Variants in NFIA observed in about 807,000 individuals in gnomAD.
NFIA encodes the protein nuclear factor 1 A-type.
A neutral mutation model predicts 62.8 loss-of-function variants in NFIA; 8 were observed. That is an observed-to-expected ratio of 0.13 (90% CI 0.07 to 0.23). NFIA has a LOEUF of 0.23. Among genes scored for constraint, NFIA ranks in the 10% least tolerant of loss-of-function variants. The pLI is 1.00. For synonymous variants in NFIA, 235 were observed against 238.1 expected, an observed-to-expected ratio of 0.99 and a Z score of 0.12; for missense variants, 410 against 642.1, an observed-to-expected ratio of 0.64 and a Z score of 3.91.
At chr1:61,106,100 C>CATCTATCTATCTATCT (rs58274631) in intron 2 of NFIA, among the ~76,000 whole-genome samples, 4,545 of 149,124 alleles carry the variant, frequency 0.03, 149 homozygotes, top group East Asian at 0.12. Context: ...CTCTCTCATG[C>CATCTATCTATCTATCT]ATCTATCTAT....
intron 10 of NFIA, among the ~76,000 whole-genome samples, chr1:61,436,895 A>C (rs945172418): frequency 6.6e-6 from 1 of 152,188 alleles, no homozygotes; most frequent in South Asian, 2.1e-4. Flanking sequence ...AACGCTTTAC[A>C]CATTTAACTA....
intron 3 of NFIA, among the ~76,000 whole-genome samples, chr1:61,310,018 C>A (rs1660013713): frequency 6.6e-6 from 1 of 152,096 alleles, no homozygotes; most frequent in Non-Finnish European, 1.5e-5. Context: ...GTTTTTAAAG[C>A]CATTTGCTTT....
At chr1:61,390,197 A>G (rs1336015350) in intron 7 of NFIA, among the ~76,000 whole-genome samples, 1 of 152,212 alleles carries the variant, frequency 6.6e-6, no homozygotes, top group Admixed American at 6.5e-5. Context: ...CTATTGTCAA[A>G]CAGTTTGCCT....
chr1:61,093,612 ATAGTAACAATATCCTTTACCTAGAATG>A (rs1221326998), intron 2 of NFIA, among the ~76,000 whole-genome samples: 2 of 152,244 alleles, frequency 1.3e-5, no homozygotes, highest in Non-Finnish European at 2.9e-5. Flanking sequence ...TAACTTGAGG[ATAGTAACAATATCCTTTACCTAGAATG>A]TAGTAACAAA....
intron 9 of NFIA, among the ~76,000 whole-genome samples, chr1:61,424,955 C>T: frequency 6.6e-6 from 1 of 152,144 alleles, no homozygotes; most frequent in Non-Finnish European, 1.5e-5. Context: ...GGGCTAGAGA[C>T]AAAATCAGTA....
chr1:61,148,039 G>A (rs1648132934), intron 2 of NFIA, among the ~76,000 whole-genome samples: 1 of 152,090 alleles, frequency 6.6e-6, no homozygotes, highest in Admixed American at 6.5e-5. Flanking sequence ...TTGTATTCCA[G>A]TTTACATTAT....
chr1:61,142,361 G>A (rs1006456169), intron 2 of NFIA, among the ~76,000 whole-genome samples: 4 of 151,960 alleles, frequency 2.6e-5, no homozygotes, highest in African/African-American at 9.7e-5. Context: ...GCTGAGTCCC[G>A]GCAAATTTCA....
At chr1:61,364,654 T>A (rs1465746163) in intron 6 of NFIA, among the ~76,000 whole-genome samples, 2 of 152,270 alleles carry the variant, frequency 1.3e-5, no homozygotes, top group South Asian at 4.1e-4. Flanking sequence ...AAACCTTTTT[T>A]AAAAAAACAA....
chr1:61,385,061 A>G (rs1343083471), intron 7 of NFIA, among the ~76,000 whole-genome samples: 2 of 151,922 alleles, frequency 1.3e-5, no homozygotes. Context: ...GTGAAACCCC[A>G]TCTCTACTAA....
At chr1:61,165,023 G>A (rs1046019471) in intron 2 of NFIA, among the ~76,000 whole-genome samples, 4 of 152,122 alleles carry the variant, frequency 2.6e-5, no homozygotes, top group African/African-American at 4.8e-5. Flanking sequence ...AAATGGTTTC[G>A]TATTATATAT....
At chr1:61,403,042 C>T (rs924253821) in intron 7 of NFIA, among the ~76,000 whole-genome samples, 1 of 152,158 alleles carries the variant, frequency 6.6e-6, no homozygotes, top group Non-Finnish European at 1.5e-5. Flanking sequence ...ATGAGTCATT[C>T]TTGGTATTGG....
At chr1:61,094,141 T>A (rs1037444095) in intron 2 of NFIA, among the ~76,000 whole-genome samples, 2 of 152,254 alleles carry the variant, frequency 1.3e-5, no homozygotes, top group African/African-American at 4.8e-5. Context: ...ACTGATTTAT[T>A]ACCATTTTAG....
chr1:61,443,286 A>G (rs1353675875), intron 10 of NFIA, among the ~76,000 whole-genome samples: 1 of 152,132 alleles, frequency 6.6e-6, no homozygotes, highest in Admixed American at 6.5e-5. Flanking sequence ...CATCAGTTAC[A>G]GTCCTGTTAG....
At chr1:61,400,338 AG>A (rs1377613885) in intron 7 of NFIA, among the ~76,000 whole-genome samples, 1 of 152,238 alleles carries the variant, frequency 6.6e-6, no homozygotes, top group Non-Finnish European at 1.5e-5. Flanking sequence ...GTTTTAAACA[AG>A]TCTGGCCACT....
intron 2 of NFIA, among the ~76,000 whole-genome samples, chr1:61,150,088 G>A (rs895559975): frequency 6.6e-6 from 1 of 152,298 alleles, no homozygotes; most frequent in East Asian, 1.9e-4. Context: ...GAGATGGCCA[G>A]AAATGGATAC....
chr1:61,170,490 G>A lies in NFIA; in HGVS notation c.559+81810G>A, dbSNP rs535235326. ...GCTTGCTAATAAATAGCCTTGGGAG[G>A]TGCTCACAGTCGAGTCATAGCATTT... On this transcript the variant is annotated intron_variant, in intron 2 of 10. Coordinates refer to ENST00000403491, the MANE Select transcript of NFIA (RefSeq NM_001134673.4). 1.8e-3 allele frequency among the ~76,000 whole-genome samples: 274 copies of A among 152,252 alleles called. 1 individual carries two copies. Among genetic ancestry groups the A allele is most frequent in the South Asian group, 5.0e-3 (24 of 4,824 alleles).
At chr1:61,445,473 T>TA (rs146819973) in intron 10 of NFIA, among the ~76,000 whole-genome samples, 56 of 150,050 alleles carry the variant, frequency 3.7e-4, no homozygotes, top group East Asian at 9.7e-4. Flanking sequence ...GTTTCAGCAT[T>TA]AAAAAAAAAA....
intron 4 of NFIA, among the ~76,000 whole-genome samples, chr1:61,336,856 TGGGCTG>T (rs1489716072): frequency 3.3e-5 from 5 of 152,228 alleles, no homozygotes; most frequent in Admixed American, 1.3e-4. Context: ...ACTACTTACA[TGGGCTG>T]AAAATTTCAC....
intron 3 of NFIA, among the ~76,000 whole-genome samples, chr1:61,280,091 C>T (rs993939231): frequency 6.6e-6 from 1 of 152,188 alleles, no homozygotes; most frequent in Non-Finnish European, 1.5e-5. Context: ...TCAGCCTACT[C>T]AGTTTTCTGC....
Sources: allele counts gnomAD v4.1 joint callset (sites outside exome capture counted in the v4.1 genomes callset), GRCh38; gene constraint gnomAD v4.1.1; transcripts MANE v1.5; gene names NCBI Gene and HGNC (gene_info 2026-07-23, HGNC 2026-07-21).